Variants in UBAP2 observed in about 807,000 individuals in gnomAD.
UBAP2 encodes ubiquitin associated protein 2.
A neutral mutation model predicts 139.6 loss-of-function variants in UBAP2; 75 were observed. The observed-to-expected ratio is 0.54, with a 90% CI of 0.45 to 0.65. The LOEUF (loss-of-function observed/expected upper bound fraction) is 0.65. UBAP2 is among the 30% of genes least tolerant of loss of function. The pLI is 0.00. For missense variants in UBAP2, 1,368 were observed against 1,369.6 expected (o/e 1.00, Z 0.02); for synonymous variants, 526 against 526.2 (o/e 1.00, Z 0.01).
intron 4 of UBAP2, 24 bp downstream of exon 4, chr9:33,996,199 T>C: frequency 6.4e-7 from 1 of 1,560,214 alleles, no homozygotes; most frequent in Non-Finnish European, 8.8e-7. Flanking sequence ...ATGTAAACAA[T>C]GCAAATCAAT....
At chr9:33,960,780 CAAAAA>C (rs375878545) in intron 10 of UBAP2, 41 bp downstream of exon 10, 4 of 1,315,054 alleles carry the variant, frequency 3.0e-6, no homozygotes, top group African/African-American at 3.9e-5. Flanking sequence ...AATTCCATTT[CAAAAA>C]AAAAAAAAAA....
intron 2 of UBAP2, among the ~76,000 whole-genome samples, chr9:34,016,063 G>A (rs1824229747): frequency 6.6e-6 from 1 of 151,756 alleles, no homozygotes; most frequent in Non-Finnish European, 1.5e-5. Flanking sequence ...TTCATTCCAA[G>A]GACACACTTA....
chr9:33,989,239 G>A, intron 4 of UBAP2, 113 bp from the exon 5 acceptor site: 2 of 1,268,226 alleles, frequency 1.6e-6, no homozygotes, highest in Admixed American at 3.9e-5. Flanking sequence ...GTCTCGCTCT[G>A]TCGCCCAGGC....
At chr9:33,959,704 A>T (rs1433991993) in intron 10 of UBAP2, among the ~76,000 whole-genome samples, 1 of 152,116 alleles carries the variant, frequency 6.6e-6, no homozygotes, top group East Asian at 1.9e-4. Context: ...CAATAAAGGA[A>T]TTTTTTTTAA....
At chr9:33,922,630 G>A in intron 28 of UBAP2, 31 bp from the exon 29 acceptor site, 1 of 1,605,088 alleles carries the variant, frequency 6.2e-7, no homozygotes. Context: ...AGGCTGTCAA[G>A]GCTGGAGCAG....
intron 20 of UBAP2, 26 bp from the exon 21 acceptor site, chr9:33,927,106 A>G: frequency 6.4e-7 from 1 of 1,565,506 alleles, no homozygotes; most frequent in South Asian, 1.2e-5. Flanking sequence ...AATCAAATGG[A>G]GTGAAATGGT....
At chr9:34,044,532 A>G in intron 1 of UBAP2, among the ~76,000 whole-genome samples, 1 of 152,100 alleles carries the variant, frequency 6.6e-6, no homozygotes, top group South Asian at 2.1e-4. Flanking sequence ...ACAGCACTCC[A>G]GCCTGGGCGA....
Position 33,922,150 on chromosome 9 carries a change from C to A in UBAP2, c.*354G>T. On this transcript the variant is annotated 3_prime_UTR_variant, in exon 29 of 29. Transcript: ENST00000379238. ...CCAAACAGCCTTGAACCAGCCCTTC[C>A]AGAGACTGCCCCTAGTGGCCCACTG... 1 of 256,816 alleles carries A rather than the reference C, an allele frequency of 3.9e-6. No homozygotes were observed. The highest frequency in any genetic ancestry group is 7.5e-6 in the Non-Finnish European group (1 of 133,284). 15.9% of individuals were successfully genotyped at this position (256,816 alleles called of 1,614,324 possible).
chr9:34,031,729 G>T (rs1310343405), intron 1 of UBAP2, among the ~76,000 whole-genome samples: 1 of 150,676 alleles, frequency 6.6e-6, no homozygotes, highest in African/African-American at 2.4e-5. Flanking sequence ...AGGCTTCACT[G>T]AGCTGAGATC....
At chr9:34,038,209 G>A (rs1295571859) in intron 1 of UBAP2, among the ~76,000 whole-genome samples, 1 of 150,568 alleles carries the variant, frequency 6.6e-6, no homozygotes, top group African/African-American at 2.4e-5. Flanking sequence ...CCAGCACTTT[G>A]AGAGGCTGAG....
At chr9:33,957,797 T>TA (rs1206513471) in intron 10 of UBAP2, among the ~76,000 whole-genome samples, 6 of 152,174 alleles carry the variant, frequency 3.9e-5, no homozygotes, top group Non-Finnish European at 7.3e-5. Context: ...AAACCAGACT[T>TA]CCTGCATGAC....
At chr9:33,971,002 C>T (rs1010204218) in intron 8 of UBAP2, among the ~76,000 whole-genome samples, 2 of 152,102 alleles carry the variant, frequency 1.3e-5, no homozygotes, top group African/African-American at 4.8e-5. Flanking sequence ...AGGGTTTCAC[C>T]ATGTTGGCCA....
At chr9:34,033,823 C>T (rs576270575) in intron 1 of UBAP2, among the ~76,000 whole-genome samples, 2 of 152,010 alleles carry the variant, frequency 1.3e-5, no homozygotes, top group South Asian at 2.1e-4. Context: ...GCAACCTCTG[C>T]CTCCCAGGTT....
intron 1 of UBAP2, among the ~76,000 whole-genome samples, chr9:34,028,613 T>G (rs533486432): frequency 1.3e-4 from 20 of 151,976 alleles, no homozygotes; most frequent in African/African-American, 4.8e-4. Flanking sequence ...CTCCTGACCT[T>G]AAGTGATCCG....
Position 33,923,855 on chromosome 9 carries a change from G to A in UBAP2, c.2736C>T (p.Tyr912=), listed in dbSNP as rs1823169403. 1.2e-6 allele frequency: 2 copies of A among 1,614,246 alleles called. No homozygotes were observed. Among genetic ancestry groups the A allele is most frequent in the East Asian group, 4.5e-5 (2 of 44,882 alleles). Residue 912 remains tyrosine, a synonymous_variant, in exon 24 of 29, where the codon TAC becomes TAT. Transcript: ENST00000379238. ...VNPALPPGYS[Y]TGLPYYTGMP... ...TGCCTGTGTAGTAGGGAAGACCAGT[G>A]TAGCTATAGCCAGGTGGCAGTGCAG...
intron 1 of UBAP2, among the ~76,000 whole-genome samples, chr9:34,046,065 C>T (rs1015410827): frequency 8.5e-5 from 13 of 152,250 alleles, no homozygotes; most frequent in African/African-American, 3.1e-4. Context: ...CTAAGAGCTC[C>T]ATTTACTCAA....
Position 33,968,424 on chromosome 9 carries a change from T to C in UBAP2, c.679+3227A>G, listed in dbSNP as rs910889567. 6.9e-5 allele frequency: 39 copies of C among 562,728 alleles called. No individual in the cohort carries two copies. The East Asian group carries it at 7.9e-4, about 11-fold the overall frequency. The allele number at this position is 562,728 out of a possible 1,614,324, so 34.9% of individuals were successfully genotyped here. A position where few individuals can be genotyped will look rare whatever the true frequency, so the allele number is the denominator to read the frequency against. ...CAAGACACCACCACCAGGGCATACATAGTCATGGCCGAGGGCATGTGCAGC... is the reference window on the plus strand; with the variant it reads ...CAAGACACCACCACCAGGGCATACACAGTCATGGCCGAGGGCATGTGCAGC... On this transcript the variant is annotated intron_variant, in intron 8 of 28. Coordinates refer to ENST00000379238, the MANE Select transcript of UBAP2 (RefSeq NM_001370062.2).
chr9:33,932,535 G>C, intron 19 of UBAP2, 27 bp downstream of exon 19: 3 of 1,613,018 alleles, frequency 1.9e-6, no homozygotes, highest in Non-Finnish European at 2.5e-6. Flanking sequence ...GCATGGCGGA[G>C]GAAGAGGAAG....
At position 33,922,307 on chromosome 9, in the gene UBAP2, A is replaced by C. The variant is rs1822955215; in HGVS notation, c.*197T>G. ...TGCCGCCATCCCCCAACTCCCCCCC[A>C]GACTTCTATCACATTTACAAATACA... is the stretch of plus-strand genomic sequence containing the variant. On this transcript the variant is annotated 3_prime_UTR_variant, in exon 29 of 29. Coordinates refer to ENST00000379238, the MANE Select transcript of UBAP2 (RefSeq NM_001370062.2). 3.4e-6 allele frequency: 2 copies of C among 592,056 alleles called. No homozygotes were observed. Among genetic ancestry groups the C allele is most frequent in the African/African-American group, 3.7e-5 (2 of 53,444 alleles). 36.7% of individuals were successfully genotyped at this position (592,056 alleles called of 1,614,324 possible).
Sources: gnomAD v4.1 joint callset for allele counts (sites outside exome capture counted in the v4.1 genomes callset) on GRCh38, gnomAD v4.1.1 for gene constraint, MANE v1.5 for transcripts, NCBI Gene and HGNC (gene_info 2026-07-23, HGNC 2026-07-21) for gene names.